Variants in AGAP1 observed in about 807,000 individuals in gnomAD.
AGAP1 encodes arf-GAP with GTPase, ANK repeat and PH domain-containing protein 1.
In AGAP1, 29 loss-of-function variants were observed where a neutral mutation model predicts 105.3. That is an observed-to-expected ratio of 0.28 (90% CI 0.21 to 0.38). The LOEUF (loss-of-function observed/expected upper bound fraction) is 0.38, where lower values mean the gene tolerates loss of function less well. Ranked by LOEUF, AGAP1 falls within the 10% of genes least tolerant of loss-of-function variation. The probability of loss-of-function intolerance (pLI) is 1.00; values close to 1 mark genes in which losing one functional copy is unlikely to be tolerated. For missense variants in AGAP1, 998 were observed against 1,165.1 expected, an observed-to-expected ratio of 0.86 and a Z score of 2.09; for synonymous variants, 509 against 485.9, an observed-to-expected ratio of 1.05 and a Z score of -0.63.
chr2:235,548,359 C>T (rs1943695700), intron 1 of AGAP1, among the ~76,000 whole-genome samples: 1 of 152,148 alleles, frequency 6.6e-6, no homozygotes, highest in Non-Finnish European at 1.5e-5. Flanking sequence ...TCCAACTTAC[C>T]TTCAGAAATG....
chr2:235,897,060 T>G (rs1287918918), intron 10 of AGAP1, among the ~76,000 whole-genome samples: 1 of 152,198 alleles, frequency 6.6e-6, no homozygotes, highest in African/African-American at 2.4e-5. Context: ...ATTTCTTTTT[T>G]TGTTTGTTTT....
chr2:235,724,915 T>A lies in AGAP1; in HGVS notation c.310+7271T>A, dbSNP rs537463381. Among the ~76,000 whole-genome samples, 6 of 152,290 alleles carry A rather than the reference T, an allele frequency of 3.9e-5. No individual in the cohort carries two copies. The highest frequency in any genetic ancestry group is 1.4e-4 in the African/African-American group (6 of 41,560). Reference sequence around the variant, plus strand: ...AGAAGCCTTTCGCTTGTCTGTTTGGTTTATTTGGTTCACATCAGAGTTTGC... The same window carrying A: ...AGAAGCCTTTCGCTTGTCTGTTTGGATTATTTGGTTCACATCAGAGTTTGC... On this transcript the variant is annotated intron_variant, in intron 3 of 17. Transcript: ENST00000304032. This position sits in a 1 kb window ranked among gnomAD's most constrained non-coding sequence, Gnocchi z 4.9.
intron 14 of AGAP1, among the ~76,000 whole-genome samples, chr2:236,037,489 C>T (rs1464451155): frequency 6.6e-6 from 1 of 152,160 alleles, no homozygotes. Flanking sequence ...CCTCCAAGCT[C>T]AAGCAATCCT....
intron 10 of AGAP1, among the ~76,000 whole-genome samples, chr2:235,899,956 G>A (rs1275552519): frequency 1.3e-5 from 2 of 152,176 alleles, no homozygotes; most frequent in Admixed American, 6.5e-5. Context: ...TTCATAATTC[G>A]ATTTAGAATT....
chr2:235,895,609 T>C (rs1470952162), intron 10 of AGAP1, among the ~76,000 whole-genome samples: 1 of 152,186 alleles, frequency 6.6e-6, no homozygotes, highest in Non-Finnish European at 1.5e-5. Flanking sequence ...TATTGGGCCA[T>C]CTCTCTGATT....
At chr2:235,767,845 C>T (rs896622230) in intron 6 of AGAP1, among the ~76,000 whole-genome samples, 1 of 129,144 alleles carries the variant, frequency 7.7e-6, no homozygotes, top group South Asian at 2.5e-4. Flanking sequence ...AGTACAGTGG[C>T]GTGATTTGGA....
At position 235,759,449 on chromosome 2, in the gene AGAP1, G is replaced by T. The variant is rs191780154; in HGVS notation, c.673+8961G>T. ...CTCCCAAAGTGCTGGGATTACAGGC[G>T]TGAGCCACCGCGCCCGGCCCTGGCA... On this transcript the variant is annotated intron_variant, in intron 6 of 17. Coordinates refer to ENST00000304032, the MANE Select transcript of AGAP1 (RefSeq NM_001037131.3). Among the ~76,000 whole-genome samples, 371 of 152,262 alleles carry T rather than the reference G, an allele frequency of 2.4e-3. 1 individual carries two copies. Among genetic ancestry groups the T allele is most frequent in the African/African-American group, 8.6e-3 (359 of 41,562 alleles).
rs566617503 is a variant in AGAP1 at position 235,599,748 on chromosome 2, C to T, written c.163+104899C>T. Among the ~76,000 whole-genome samples the T allele has an allele frequency of 6.6e-5, 10 of 152,300 alleles. No homozygotes were observed. In the East Asian group the frequency reaches 1.2e-3, roughly 18 times the overall value. Reference sequence around the variant, plus strand: ...CCACGTGATTCTACCTGATCGCTGGCTCTCTAGGGCTTTTCCCCTCCAGGT... The same window carrying T: ...CCACGTGATTCTACCTGATCGCTGGTTCTCTAGGGCTTTTCCCCTCCAGGT... On this transcript the variant is annotated intron_variant, in intron 1 of 17. Transcript: ENST00000304032. This position sits in a 1 kb window ranked among gnomAD's most constrained non-coding sequence, Gnocchi z 5.3.
chr2:235,991,284 C>CGGT (rs2055554292), intron 13 of AGAP1, among the ~76,000 whole-genome samples: 2 of 152,132 alleles, frequency 1.3e-5, no homozygotes, highest in Admixed American at 1.3e-4. Flanking sequence ...ATACTTTATT[C>CGGT]AGTATATTCT....
Position 236,101,750 on chromosome 2 carries a change from C to A in AGAP1, c.2115-18442C>A, listed in dbSNP as rs1428934029. On this transcript the variant is annotated intron_variant, in intron 16 of 17. Coordinates refer to ENST00000304032, the MANE Select transcript of AGAP1 (RefSeq NM_001037131.3). This position sits in a 1 kb window ranked among gnomAD's most constrained non-coding sequence, Gnocchi z 4.9. ...GATGGCGGCTGCACCAGCAGAGCCGCCGTGGGCTTCATGCCACGTTACGCG... is the reference window on the plus strand; with the variant it reads ...GATGGCGGCTGCACCAGCAGAGCCGACGTGGGCTTCATGCCACGTTACGCG... 6.6e-6 allele frequency among the ~76,000 whole-genome samples: 1 copy of A among 152,222 alleles called. No homozygotes were observed. The highest frequency in any genetic ancestry group is 2.4e-5 in the African/African-American group (1 of 41,456).
rs1290894981 is a variant in AGAP1, at chr2:236,006,272, A to G, written c.1646-30289A>G. ...ACTTTCCTTCCTTTCTGTCAGTACAAGGTGCATTTTGTATCTTTCCTGCCA... is the reference window on the plus strand; with the variant it reads ...ACTTTCCTTCCTTTCTGTCAGTACAGGGTGCATTTTGTATCTTTCCTGCCA... On this transcript the variant is annotated intron_variant, in intron 13 of 17. Transcript: ENST00000304032. 3.0e-4 allele frequency among the ~76,000 whole-genome samples: 46 copies of G among 152,032 alleles called. 1 individual carries two copies. Among genetic ancestry groups the G allele is most frequent in the Admixed American group, 3.0e-3 (46 of 15,246 alleles).
intron 6 of AGAP1, among the ~76,000 whole-genome samples, chr2:235,794,284 AG>A (rs1418299721): frequency 2.0e-5 from 3 of 152,180 alleles, no homozygotes; most frequent in African/African-American, 7.2e-5. Context: ...AAGAACACTG[AG>A]CATTACTCTT....
At chr2:235,656,514 A>G (rs528155259) in intron 1 of AGAP1, among the ~76,000 whole-genome samples, 31 of 152,230 alleles carry the variant, frequency 2.0e-4, no homozygotes, top group African/African-American at 6.0e-4. Flanking sequence ...ATTACCTGCT[A>G]CCTGCTCTGC....
intron 1 of AGAP1, among the ~76,000 whole-genome samples, chr2:235,693,708 TAGA>T (rs1949855734): frequency 6.6e-6 from 1 of 152,104 alleles, no homozygotes; most frequent in Admixed American, 6.5e-5. Flanking sequence ...CACAAAACAT[TAGA>T]AGTAGTAGTA....
intron 9 of AGAP1, among the ~76,000 whole-genome samples, chr2:235,837,440 A>G (rs1960301434): frequency 6.6e-6 from 1 of 152,224 alleles, no homozygotes; most frequent in Non-Finnish European, 1.5e-5. Flanking sequence ...TCAGGGTCAG[A>G]ACAGCTGGGA....
chr2:235,933,011 C>T (rs1053966315), intron 12 of AGAP1, among the ~76,000 whole-genome samples: 3 of 152,152 alleles, frequency 2.0e-5, no homozygotes, highest in East Asian at 1.9e-4. Context: ...TCCCTGACCT[C>T]GTAAATCTTG....
intron 16 of AGAP1, among the ~76,000 whole-genome samples, chr2:236,084,977 G>A (rs1576267870): frequency 6.6e-6 from 1 of 151,820 alleles, no homozygotes; most frequent in East Asian, 1.9e-4. Context: ...CACTTTGGGA[G>A]GCCAAGGTGG....
intron 1 of AGAP1, among the ~76,000 whole-genome samples, chr2:235,537,565 A>G (rs1943281028): frequency 6.6e-6 from 1 of 152,218 alleles, no homozygotes; most frequent in Non-Finnish European, 1.5e-5. Flanking sequence ...ATTGCTGGGC[A>G]CGTGTAAAAT....
At chr2:236,072,989 GATATTT>G (rs1270561789) in intron 16 of AGAP1, among the ~76,000 whole-genome samples, 1 of 151,676 alleles carries the variant, frequency 6.6e-6, no homozygotes, top group African/African-American at 2.4e-5. Context: ...GCATTCAGGA[GATATTT>G]ATATTCTTTT....
Sources: gnomAD v4.1 joint callset for allele counts (sites outside exome capture counted in the v4.1 genomes callset) on GRCh38, gnomAD v4.1.1 for gene constraint, Gnocchi (gnomAD v3.1) non-coding constraint, MANE v1.5 for transcripts, NCBI Gene and HGNC (gene_info 2026-07-23, HGNC 2026-07-21) for gene names.